The following ADGRL2 variants were observed in gnomAD, a reference collection of about 807,000 sequenced individuals.
The protein encoded by ADGRL2 is adhesion G protein-coupled receptor L2.
A neutral mutation model predicts 157.4 loss-of-function variants in ADGRL2; 44 were observed. That is an observed-to-expected ratio of 0.28 (90% CI 0.22 to 0.36). The LOEUF is 0.36. Among genes scored for constraint, ADGRL2 ranks in the 10% least tolerant of loss-of-function variants. The pLI is 1.00. For missense variants in ADGRL2, 1,510 were observed against 1,768.9 expected, an observed-to-expected ratio of 0.85 and a Z score of 2.63; for synonymous variants, 585 against 624.7, an observed-to-expected ratio of 0.94 and a Z score of 0.95.
intron 3 of ADGRL2, among the ~76,000 whole-genome samples, chr1:81,682,057 A>T (rs2083129635): frequency 6.6e-6 from 1 of 151,754 alleles, no homozygotes; most frequent in Non-Finnish European, 1.5e-5. Flanking sequence ...TTGGTTTGGC[A>T]ATTTGAAGTT....
Position 81,987,050 on chromosome 1 carries a change from A to T in ADGRL2, c.3637+21A>T, listed in dbSNP as rs1008799482. ...ACCAGGTGTGCTTTACTTACAAATA[A>T]AACTACCTTTCTTTGCTGCTAAACA... On this transcript the variant is annotated intron_variant, in intron 22 of 23. Transcript: ENST00000686636. 1.2e-5 allele frequency: 20 copies of T among 1,607,618 alleles called. No individual in the cohort carries two copies. The African/African-American group carries it at 2.5e-4, about 20-fold the overall frequency.
intron 3 of ADGRL2, among the ~76,000 whole-genome samples, chr1:81,607,693 C>G (rs1247282927): frequency 6.6e-6 from 1 of 152,158 alleles, no homozygotes; most frequent in Non-Finnish European, 1.5e-5. Flanking sequence ...TAACTATATG[C>G]ATTTTGGAAT....
At chr1:81,778,777 C>T (rs2086698541) in intron 2 of ADGRL2, among the ~76,000 whole-genome samples, 1 of 152,112 alleles carries the variant, frequency 6.6e-6, no homozygotes. Context: ...GGTCAAGAGA[C>T]GTTTTGGCAG....
chr1:81,828,601 A>G (rs1340526678), intron 1 of ADGRL2, among the ~76,000 whole-genome samples: 1 of 152,088 alleles, frequency 6.6e-6, no homozygotes, highest in African/African-American at 2.4e-5. Context: ...TGCTTTTTAT[A>G]ACCTATGTTT....
At chr1:81,775,074 A>G (rs1386515044) in intron 2 of ADGRL2, among the ~76,000 whole-genome samples, 1 of 152,190 alleles carries the variant, frequency 6.6e-6, no homozygotes, top group Non-Finnish European at 1.5e-5. Flanking sequence ...ATCGATATAA[A>G]TTGTGTGGTA....
intron 2 of ADGRL2, among the ~76,000 whole-genome samples, chr1:81,787,057 G>A (rs1470855907): frequency 6.7e-6 from 1 of 148,652 alleles, no homozygotes; most frequent in East Asian, 2.7e-4. Flanking sequence ...TTTTACCAGG[G>A]GTTTCTGCTT....
chr1:81,840,560 C>T (rs1489832197), intron 2 of ADGRL2, among the ~76,000 whole-genome samples: 1 of 152,046 alleles, frequency 6.6e-6, no homozygotes, highest in Admixed American at 6.6e-5. Context: ...TTGAACATGG[C>T]AAAAGCTAAT....
chr1:81,574,314 A>G (rs755539487), intron 2 of ADGRL2, among the ~76,000 whole-genome samples: 1 of 152,134 alleles, frequency 6.6e-6, no homozygotes, highest in Non-Finnish European at 1.5e-5. Context: ...CAAAGGAAGC[A>G]CCTGCTTTCC....
At chr1:81,629,645 TTAAA>T (rs1490697577) in intron 3 of ADGRL2, among the ~76,000 whole-genome samples, 48 of 150,716 alleles carry the variant, frequency 3.2e-4, no homozygotes, top group Admixed American at 1.5e-3. Flanking sequence ...ATATTTGTTG[TTAAA>T]TGAATGAATG....
chr1:81,614,241 C>T (rs957525310), intron 3 of ADGRL2, among the ~76,000 whole-genome samples: 2 of 152,202 alleles, frequency 1.3e-5, no homozygotes, highest in Non-Finnish European at 2.9e-5. Context: ...CCTTAACCCT[C>T]TCCATATAAT....
intron 1 of ADGRL2, among the ~76,000 whole-genome samples, chr1:81,440,146 G>A (rs1439127371): frequency 6.6e-6 from 1 of 152,126 alleles, no homozygotes; most frequent in Non-Finnish European, 1.5e-5. Flanking sequence ...ATAGGTGAAG[G>A]GTGAGGATCA....
intron 3 of ADGRL2, among the ~76,000 whole-genome samples, chr1:81,600,478 G>A (rs548459944): frequency 1.4e-4 from 21 of 152,296 alleles, no homozygotes; most frequent in South Asian, 2.1e-4. Flanking sequence ...TAGGGCAAAC[G>A]CAGAGAGATG....
At chr1:81,693,733 A>T (rs2083388024) in intron 3 of ADGRL2, among the ~76,000 whole-genome samples, 1 of 152,168 alleles carries the variant, frequency 6.6e-6, no homozygotes, top group Admixed American at 6.6e-5. Context: ...GTAAACAGGG[A>T]AAACATTAAT....
intron 3 of ADGRL2, among the ~76,000 whole-genome samples, chr1:81,647,374 A>T (rs2148825108): frequency 6.6e-6 from 1 of 152,260 alleles, no homozygotes; most frequent in Admixed American, 6.5e-5. Context: ...AAAATTTGAA[A>T]TCTGAAATGC....
intron 2 of ADGRL2, among the ~76,000 whole-genome samples, chr1:81,556,290 C>T (rs2080275157): frequency 6.6e-6 from 1 of 151,078 alleles, no homozygotes. Flanking sequence ...AATCCTCATC[C>T]CCCGATTCTC....
intron 2 of ADGRL2, among the ~76,000 whole-genome samples, chr1:81,510,301 G>T (rs2148077796): frequency 6.6e-6 from 1 of 152,244 alleles, no homozygotes; most frequent in African/African-American, 2.4e-5. Context: ...AAATTTGACA[G>T]GAACATGCAG....
intron 3 of ADGRL2, among the ~76,000 whole-genome samples, chr1:81,629,044 A>G (rs1380904624): frequency 6.6e-6 from 1 of 152,192 alleles, no homozygotes; most frequent in Non-Finnish European, 1.5e-5. Context: ...ACCAGCTAGT[A>G]GAGTATCTGC....
At chr1:81,324,682 C>G (rs1660767946) in intron 1 of ADGRL2, among the ~76,000 whole-genome samples, 1 of 151,914 alleles carries the variant, frequency 6.6e-6, no homozygotes. Context: ...CCCACTTTTT[C>G]TGGTCTGAGT....
intron 1 of ADGRL2, among the ~76,000 whole-genome samples, chr1:81,708,268 T>A (rs1018499081): frequency 6.6e-6 from 1 of 152,218 alleles, no homozygotes; most frequent in African/African-American, 2.4e-5. Flanking sequence ...CTAAATTTTT[T>A]AAAAATGCTT....
Sources: gnomAD v4.1 joint callset for allele counts (sites outside exome capture counted in the v4.1 genomes callset) on GRCh38, gnomAD v4.1.1 for gene constraint, MANE v1.5 for transcripts, NCBI Gene and HGNC (gene_info 2026-07-23, HGNC 2026-07-21) for gene names.